CAST: variants seen among roughly 807,000 people sequenced by gnomAD.
CAST encodes calpastatin, also known as MIR583 host.
CAST carries 76 observed loss-of-function variants against 119.6 expected under a neutral mutation model. The observed-to-expected ratio is 0.64, with a 90% CI of 0.53 to 0.77. CAST has a LOEUF of 0.77. Ranked by LOEUF, CAST falls within the 30% of genes least tolerant of loss-of-function variation. The probability of loss-of-function intolerance (pLI) is 0.00; values close to 1 mark genes in which losing one functional copy is unlikely to be tolerated. For synonymous variants in CAST, 319 were observed against 331.6 expected, an observed-to-expected ratio of 0.96 and a Z score of 0.41; for missense variants, 953 against 946.5, an observed-to-expected ratio of 1.01 and a Z score of -0.09.
chr5:96,639,203 A>C (rs1275735123), intron 1 of CAST, among the ~76,000 whole-genome samples: 2 of 152,224 alleles, frequency 1.3e-5, no homozygotes, highest in Non-Finnish European at 2.9e-5. Flanking sequence ...AGCCTGAACT[A>C]CAGGGCCCCC....
In CAST at chr5:96,621,969, C is replaced by CTTTT. The variant is rs35728460; in HGVS notation, c.61-53555_61-53552dup. The stretch of plus-strand genomic sequence containing the variant: ...GCATTCTTTTTTTTTCTTTTTTTCT[C>CTTTT]TTTTTTTTTTTTTTTTTTGAGATGG... On this transcript the variant is annotated intron_variant, in intron 1 of 11. Coordinates refer to the CAST transcript ENST00000505143. 9.1e-4 allele frequency among the ~76,000 whole-genome samples: 103 copies of CTTTT among 113,694 alleles called. 3 individuals carry two copies. The highest frequency in any genetic ancestry group is 4.0e-3 in the East Asian group (16 of 4,008). 74.6% of individuals were successfully genotyped at this position (113,694 alleles called of 152,430 possible).
chr5:96,485,308 T>C, the CAST span, among the ~76,000 whole-genome samples: 13 of 152,310 alleles, frequency 8.5e-5, no homozygotes, highest in East Asian at 1.3e-3. Context: ...CTTTGAAGTG[T>C]GGAAAGAAAG....
At chr5:96,445,637 G>A in the CAST span, among the ~76,000 whole-genome samples, 5 of 151,964 alleles carry the variant, frequency 3.3e-5, no homozygotes, top group East Asian at 1.9e-4. Flanking sequence ...AGCATGCCAC[G>A]GCTCACTCTG....
At chr5:96,397,973 T>G in the CAST span, among the ~76,000 whole-genome samples, 1 of 152,038 alleles carries the variant, frequency 6.6e-6, no homozygotes, top group Non-Finnish European at 1.5e-5. Context: ...ATTAATTTCT[T>G]AAAGATATAT....
chr5:96,771,496 T>A (rs975553909), intron 30 of CAST, 148 bp from the exon 31 acceptor site: 50 of 577,712 alleles, frequency 8.7e-5, no homozygotes, highest in African/African-American at 1.1e-4. Context: ...ACTCACAATA[T>A]TGTGGCCAGA....
At chr5:96,749,480 T>C (rs114653692) in intron 19 of CAST, among the ~76,000 whole-genome samples, 7 of 152,242 alleles carry the variant, frequency 4.6e-5, no homozygotes. Flanking sequence ...TAGGATAGGC[T>C]TCCATAAAAG....
the CAST span, among the ~76,000 whole-genome samples, chr5:96,339,680 G>A: frequency 1.3e-5 from 2 of 152,188 alleles, no homozygotes; most frequent in Admixed American, 1.3e-4. Context: ...AAATATCCTT[G>A]TTAAATGCAA....
chr5:96,425,017 AAAGAAAGAAAGAAAG>A, the CAST span, among the ~76,000 whole-genome samples: 2 of 46,188 alleles, frequency 4.3e-5, 1 homozygote, highest in Non-Finnish European at 9.2e-5. Flanking sequence ...GAAAAGAAAG[AAAGAAAGAAAGAAAG>A]AAAGAAAGAA....
chr5:95,999,410 T>G, the CAST span, among the ~76,000 whole-genome samples: 1 of 152,176 alleles, frequency 6.6e-6, no homozygotes, highest in South Asian at 2.1e-4. Context: ...ATTTGCTTGG[T>G]GTGATCATAG....
At chr5:96,371,316 T>C in the CAST span, among the ~76,000 whole-genome samples, 43 of 152,314 alleles carry the variant, frequency 2.8e-4, no homozygotes, top group African/African-American at 9.6e-4. Flanking sequence ...GGCTAGTCAA[T>C]AAGCTCCCCA....
intron 1 of CAST, among the ~76,000 whole-genome samples, chr5:96,599,534 T>C (rs557564555): frequency 1.3e-5 from 2 of 152,302 alleles, no homozygotes; most frequent in South Asian, 2.1e-4. Flanking sequence ...AGAAAATACC[T>C]CTATCCTTCA....
the CAST span, among the ~76,000 whole-genome samples, chr5:96,197,840 C>G: frequency 6.6e-6 from 1 of 152,084 alleles, no homozygotes; most frequent in Admixed American, 6.6e-5. Flanking sequence ...CTCACTGCAG[C>G]CTTAACCTTC....
chr5:96,168,037 A>G, the CAST span, among the ~76,000 whole-genome samples: 98,191 of 152,068 alleles, frequency 0.65, 32,572 homozygotes, highest in African/African-American at 0.81. Context: ...ACATAGAAGA[A>G]GTTATGAAAT....
At chr5:96,457,514 A>G in the CAST span, among the ~76,000 whole-genome samples, 5 of 152,152 alleles carry the variant, frequency 3.3e-5, no homozygotes, top group South Asian at 6.2e-4. Context: ...GTCTCCTCCC[A>G]TGTTCCACCT....
chr5:96,296,714 G>C, the CAST span, among the ~76,000 whole-genome samples: 1 of 152,194 alleles, frequency 6.6e-6, no homozygotes, highest in East Asian at 1.9e-4. Context: ...ACTCCTAGTT[G>C]CTGGTTGTGT....
chr5:96,599,993 T>G (rs563505717), intron 1 of CAST, among the ~76,000 whole-genome samples: 1 of 81,238 alleles, frequency 1.2e-5, no homozygotes, highest in East Asian at 2.8e-4. Context: ...ACCCTCAAGC[T>G]CTGTTGATTT....
intron 1 of CAST, among the ~76,000 whole-genome samples, chr5:96,545,582 A>G (rs1206081917): frequency 6.6e-6 from 1 of 152,212 alleles, no homozygotes; most frequent in African/African-American, 2.4e-5. Flanking sequence ...TTCTCCAGGT[A>G]GTGATGCCAT....
chr5:96,195,867 T>A, the CAST span, among the ~76,000 whole-genome samples: 5 of 152,202 alleles, frequency 3.3e-5, no homozygotes, highest in Non-Finnish European at 7.3e-5. Context: ...AATACAGGCA[T>A]TTAATATGGC....
the CAST span, among the ~76,000 whole-genome samples, chr5:96,111,503 C>T: frequency 6.6e-6 from 1 of 152,188 alleles, no homozygotes; most frequent in East Asian, 1.9e-4. Flanking sequence ...ATCCTCTAAA[C>T]ACACAGTTGG....
Sources: gnomAD v4.1 joint callset for allele counts (sites outside exome capture counted in the v4.1 genomes callset) on GRCh38, gnomAD v4.1.1 for gene constraint, MANE v1.5 for transcripts, NCBI Gene and HGNC (gene_info 2026-07-23, HGNC 2026-07-21) for gene names.